TENM2: variants seen among roughly 807,000 people sequenced by gnomAD.
TENM2 encodes the protein teneurin-2.
A neutral mutation model predicts 245.2 loss-of-function variants in TENM2; 52 were observed. The observed-to-expected ratio is 0.21, with a 90% CI of 0.17 to 0.27. The LOEUF (loss-of-function observed/expected upper bound fraction) is 0.27. Among genes scored for constraint, TENM2 ranks in the 10% least tolerant of loss-of-function variants. TENM2 has a pLI of 1.00. For synonymous variants in TENM2, 1,363 were observed against 1,438.9 expected (o/e 0.95, Z 1.19); for missense variants, 3,046 against 3,666.8 (o/e 0.83, Z 4.37).
At chr5:167,598,935 A>G (rs1776411768) in intron 2 of TENM2, among the ~76,000 whole-genome samples, 1 of 152,212 alleles carries the variant, frequency 6.6e-6, no homozygotes, top group Admixed American at 6.5e-5. Flanking sequence ...ACTTCATTTG[A>G]GCAACTGCGC....
the TENM2 span, among the ~76,000 whole-genome samples, chr5:167,094,476 A>G: frequency 1.3e-5 from 2 of 152,172 alleles, no homozygotes; most frequent in African/African-American, 4.8e-5. Context: ...TTGTTGTGTG[A>G]ATCAATTGTT....
At chr5:168,235,771 C>A (rs56714232) in intron 25 of TENM2, among the ~76,000 whole-genome samples, 2,856 of 151,886 alleles carry the variant, frequency 0.019, 86 homozygotes, top group African/African-American at 0.065. Context: ...GGCACCACTG[C>A]ACTCCAGCCT....
chr5:167,736,333 G>T (rs1760795268), intron 2 of TENM2, among the ~76,000 whole-genome samples: 1 of 152,120 alleles, frequency 6.6e-6, no homozygotes, highest in South Asian at 2.1e-4. Context: ...TACAATTCAA[G>T]ATGAGATTTG....
At chr5:167,259,584 A>G in the TENM2 span, among the ~76,000 whole-genome samples, 286 of 152,272 alleles carry the variant, frequency 1.9e-3, no homozygotes, top group African/African-American at 6.6e-3. Flanking sequence ...CTTTAATTGA[A>G]TGTAAATGTT....
the TENM2 span, among the ~76,000 whole-genome samples, chr5:167,184,512 A>G: frequency 6.6e-6 from 1 of 152,156 alleles, no homozygotes; most frequent in African/African-American, 2.4e-5. Context: ...CTATTTCAAT[A>G]TCATGTCAGA....
intron 2 of TENM2, among the ~76,000 whole-genome samples, chr5:167,569,078 C>CTTTTTTTTTTTTT (rs34311803): frequency 8.2e-5 from 4 of 48,952 alleles, no homozygotes; most frequent in African/African-American, 3.7e-4. Context: ...CTTCCTACAG[C>CTTTTTTTTTTTTT]TTTTTTTTTT....
At chr5:167,090,668 G>A in the TENM2 span, among the ~76,000 whole-genome samples, 1 of 152,024 alleles carries the variant, frequency 6.6e-6, no homozygotes, top group Non-Finnish European at 1.5e-5. Flanking sequence ...GGGATTCCAG[G>A]GAATATATTT....
intron 2 of TENM2, among the ~76,000 whole-genome samples, chr5:167,716,306 T>G (rs1434512256): frequency 6.6e-6 from 1 of 152,260 alleles, no homozygotes; most frequent in Non-Finnish European, 1.5e-5. Flanking sequence ...TCTGCTAGTC[T>G]GCCGACTTCA....
intron 2 of TENM2, among the ~76,000 whole-genome samples, chr5:167,764,063 A>C (rs1762848257): frequency 6.6e-6 from 1 of 152,130 alleles, no homozygotes; most frequent in Non-Finnish European, 1.5e-5. Context: ...TAGCGTAGGC[A>C]TCTCAGATAG....
chr5:167,427,251 G>A (rs1419795776), intron 2 of TENM2, among the ~76,000 whole-genome samples: 2 of 152,110 alleles, frequency 1.3e-5, no homozygotes, highest in Non-Finnish European at 1.5e-5. Flanking sequence ...TTGGGGGTTC[G>A]AGATAAGCCT....
intron 2 of TENM2, chr5:167,729,119 C>A (rs761061492): frequency 1.3e-5 from 2 of 152,154 alleles, no homozygotes; most frequent in Non-Finnish European, 2.9e-5. Context: ...TAGTTGAAAA[C>A]CTAGGCACAG....
At chr5:168,087,890 T>C (rs1461296249) in intron 7 of TENM2, among the ~76,000 whole-genome samples, 1 of 152,122 alleles carries the variant, frequency 6.6e-6, no homozygotes, top group East Asian at 1.9e-4. Context: ...GTCAAGATCT[T>C]CTCCCAGAGC....
chr5:167,851,208 G>A (rs1450297800), intron 2 of TENM2, among the ~76,000 whole-genome samples: 2 of 152,036 alleles, frequency 1.3e-5, no homozygotes, highest in African/African-American at 4.8e-5. Context: ...GTGGCAGAGG[G>A]GATAAACTGT....
chr5:167,009,756 C>G, the TENM2 span, among the ~76,000 whole-genome samples: 2 of 152,074 alleles, frequency 1.3e-5, no homozygotes. Context: ...CTAATTAAAG[C>G]TTAAATCTAG....
At chr5:168,036,773 A>ATG (rs1370194511) in intron 5 of TENM2, among the ~76,000 whole-genome samples, 1 of 148,752 alleles carries the variant, frequency 6.7e-6, no homozygotes, top group Non-Finnish European at 1.5e-5. Context: ...ATATATACGT[A>ATG]TGTGTATATA....
At chr5:167,214,232 G>A in the TENM2 span, among the ~76,000 whole-genome samples, 1 of 152,156 alleles carries the variant, frequency 6.6e-6, no homozygotes, top group African/African-American at 2.4e-5. Context: ...TTTTCATATT[G>A]CATATACTCC....
intron 7 of TENM2, chr5:168,085,516 A>T (rs1459230493): frequency 6.6e-6 from 1 of 152,192 alleles, no homozygotes; most frequent in Non-Finnish European, 1.5e-5. Flanking sequence ...AGTGACTCAG[A>T]TACTGTAAGT....
intron 2 of TENM2, among the ~76,000 whole-genome samples, chr5:167,563,099 ACT>A (rs1183277035): frequency 6.6e-6 from 1 of 152,064 alleles, no homozygotes; most frequent in African/African-American, 2.4e-5. Context: ...TGCATTCTCA[ACT>A]CTGATATCAG....
chr5:167,375,084 G>A, intron 1 of TENM2, 114 bp from the exon 4 acceptor site: 3 of 1,052,078 alleles, frequency 2.9e-6, no homozygotes, highest in Non-Finnish European at 4.2e-6. Context: ...ACACCATGGT[G>A]AATTTGATGT....
Sources: allele counts gnomAD v4.1 joint callset (sites outside exome capture counted in the v4.1 genomes callset), GRCh38; gene constraint gnomAD v4.1.1; transcripts MANE v1.5; gene names NCBI Gene and HGNC (gene_info 2026-07-23, HGNC 2026-07-21).